The following MED13 variants were observed in gnomAD, a reference collection of about 807,000 sequenced individuals.
MED13 encodes the protein mediator complex subunit 13, also known as mediator of RNA polymerase II transcription subunit 13.
A neutral mutation model predicts 225.2 loss-of-function variants in MED13; 23 were observed. That is an observed-to-expected ratio of 0.10 (90% confidence interval 0.07 to 0.14). MED13 has a LOEUF of 0.14. Among genes scored for constraint, MED13 ranks in the 10% least tolerant of loss-of-function variants. The pLI, the probability that MED13 is intolerant of heterozygous loss-of-function variation, is 1.00. For missense variants in MED13, 2,197 were observed against 2,594.5 expected (o/e 0.85, Z 3.33); for synonymous variants, 942 against 889.2 (o/e 1.06, Z -1.06).
chr17:62,014,147 GTCTC>G (rs942515646), intron 8 of MED13, among the ~76,000 whole-genome samples: 2 of 151,758 alleles, frequency 1.3e-5, no homozygotes, highest in African/African-American at 2.4e-5. Context: ...ACCAGATACT[GTCTC>G]TCTCTGACGT....
chr17:61,969,373 T>C (rs572553086), intron 17 of MED13, among the ~76,000 whole-genome samples: 4 of 151,366 alleles, frequency 2.6e-5, no homozygotes, highest in East Asian at 2.0e-4. Flanking sequence ...AAACAAAAAA[T>C]TGGCATAAAA....
At chr17:61,992,776 T>C (rs752210480) in intron 10 of MED13, among the ~76,000 whole-genome samples, 155 bp from the exon 11 acceptor site, 23 of 118 alleles carry the variant, frequency 0.19, no homozygotes, top group Non-Finnish European at 0.24. Flanking sequence ...ATGCTTATTA[T>C]TACTTTTTTT....
intron 23 of MED13, among the ~76,000 whole-genome samples, chr17:61,958,792 T>C (rs886145277): frequency 3.9e-5 from 6 of 152,174 alleles, no homozygotes; most frequent in African/African-American, 1.4e-4. Context: ...TATGACTTAC[T>C]GAGCACTTAC....
At position 61,943,274 on chromosome 17, in the gene MED13, GCCA is replaced by G. The variant is rs2079828195; in HGVS notation, c.*3191_*3193del. 6.6e-6 allele frequency: 1 copy of G among 152,548 alleles called. No homozygotes were observed. The highest frequency in any genetic ancestry group is 1.5e-5 in the Non-Finnish European group (1 of 67,990). 9.4% of individuals were successfully genotyped at this position (152,548 alleles called of 1,614,324 possible). On this transcript the variant is annotated 3_prime_UTR_variant, in exon 30 of 30. Transcript: ENST00000397786. The stretch of plus-strand genomic sequence containing the variant: ...GTGTATTAACTGATTGATATGCAAT[GCCA>G]TAGTGGATGAATAGCAAATTATATG...
intron 9 of MED13, among the ~76,000 whole-genome samples, chr17:62,008,127 C>T (rs568771330): frequency 6.7e-6 from 1 of 150,334 alleles, no homozygotes; most frequent in Non-Finnish European, 1.5e-5. Context: ...ACCATCCTGG[C>T]TAACACGGTG....
chr17:62,036,778 GAAC>G lies in MED13; in HGVS notation c.471-1173_471-1171del, dbSNP rs1057132540. 5.9e-5 allele frequency: 9 copies of G among 152,164 alleles called. No homozygotes were observed. The South Asian group carries it at 1.2e-3, about 21-fold the overall frequency. The allele number at this position is 152,164 out of a possible 1,614,324, so 9.4% of individuals were successfully genotyped here. A position where few individuals can be genotyped will look rare whatever the true frequency, so the allele number is the denominator to read the frequency against. On this transcript the variant is annotated intron_variant, in intron 3 of 29. Coordinates refer to ENST00000397786, the MANE Select transcript of MED13 (RefSeq NM_005121.3). ...CAATACAAAATGTCTAAACTTGATA[GAAC>G]AAGAAATAGAAATTTAAGCATGTTA...
At chr17:61,992,109 G>C (rs1167357242) in intron 11 of MED13, among the ~76,000 whole-genome samples, 1 of 152,178 alleles carries the variant, frequency 6.6e-6, no homozygotes, top group Non-Finnish European at 1.5e-5. Context: ...CTGGACATCA[G>C]TATCTTTCTC....
intron 2 of MED13, among the ~76,000 whole-genome samples, chr17:62,062,327 A>C (rs1054663681): frequency 3.9e-5 from 6 of 152,296 alleles, no homozygotes; most frequent in Admixed American, 3.3e-4. Context: ...TTCTCTTTCT[A>C]AAGTAGCATT....
At chr17:62,021,426 C>T (rs1279969598) in intron 8 of MED13, among the ~76,000 whole-genome samples, 3 of 143,864 alleles carry the variant, frequency 2.1e-5, no homozygotes, top group Non-Finnish European at 4.5e-5. Flanking sequence ...GGCTGACCCC[C>T]CCACCTCCCT....
At chr17:62,020,577 C>T (rs2080630931) in intron 8 of MED13, among the ~76,000 whole-genome samples, 1 of 151,776 alleles carries the variant, frequency 6.6e-6, no homozygotes, top group Non-Finnish European at 1.5e-5. Flanking sequence ...GATGGGGTTT[C>T]ACCATGGTGG....
rs771231439 is a variant in MED13 at position 61,965,183 on chromosome 17, G to A, written c.4667C>T (p.Pro1556Leu). The change falls in exon 20 of 30, where the codon CCT becomes CTT. Residue 1556 changes from proline to leucine, a missense_variant. By Grantham distance (98) the Pro-to-Leu change is moderately conservative. Coordinates refer to ENST00000397786, the MANE Select transcript of MED13 (RefSeq NM_005121.3). ...CATACTGCCAAAGGGTGGAAACGAA[G>A]GTAGTTTATTTGATGATACTCCACT... is the stretch of plus-strand genomic sequence containing the variant. Reference protein sequence around the residue: ...LNSGVSSNKLPSFPPFGSMNS... With the variant: ...LNSGVSSNKLLSFPPFGSMNS... 20 of 1,614,136 alleles carry A rather than the reference G, an allele frequency of 1.2e-5. No individual in the cohort carries two copies. Among genetic ancestry groups the A allele is most frequent in the Non-Finnish European group, 8.5e-7 (1 of 1,180,018 alleles).
intron 9 of MED13, among the ~76,000 whole-genome samples, chr17:61,996,586 G>A (rs980747577): frequency 6.6e-6 from 1 of 151,892 alleles, no homozygotes; most frequent in African/African-American, 2.4e-5. Flanking sequence ...TCTTTTATGG[G>A]GAACATTCTC....
rs1434177191 is a variant in MED13, at chr17:61,998,085, ATATT to A, written c.1968-2724_1968-2721del. 2.0e-5 allele frequency among the ~76,000 whole-genome samples: 3 copies of A among 152,376 alleles called. No individual in the cohort carries two copies. The East Asian group carries it at 5.8e-4, about 29-fold the overall frequency. On this transcript the variant is annotated intron_variant, in intron 9 of 29. Transcript: ENST00000397786. ...TAAATTCATTTACATTATACATTCT[ATATT>A]TAAAGCTGATAATAGAATTAAAAAT...
chr17:62,017,243 A>G (rs57186699), intron 8 of MED13, among the ~76,000 whole-genome samples: 1,521 of 149,640 alleles, frequency 0.01, 27 homozygotes, highest in African/African-American at 0.034. Flanking sequence ...AAAAAGCATG[A>G]AAGATTTGAG....
chr17:62,023,686 T>A (rs1037529317), intron 8 of MED13, among the ~76,000 whole-genome samples: 7 of 152,046 alleles, frequency 4.6e-5, no homozygotes, highest in African/African-American at 1.7e-4. Context: ...AAAGCAGAAA[T>A]GGATTTGAGA....
intron 21 of MED13, among the ~76,000 whole-genome samples, chr17:61,962,001 T>C (rs1356570161): frequency 6.6e-6 from 1 of 152,098 alleles, no homozygotes; most frequent in African/African-American, 2.4e-5. Flanking sequence ...CCTATAAAAC[T>C]TTCTGGCCAG....
Position 61,972,819 on chromosome 17 carries a change from G to A in MED13, c.3875C>T (p.Ala1292Val). The stretch of plus-strand genomic sequence containing the variant: ...TCTTACTGTTCTTTTTTTCTGAATG[G>A]CATCCTGAAGAACTGGCTGAAGAGA... Reference protein sequence around the residue: ...LLSLQPVLQDAIQKKRTVRPW... With the variant: ...LLSLQPVLQDVIQKKRTVRPW... The change falls in exon 17 of 30, where the codon GCC becomes GTC. Residue 1292 changes from alanine (A) to valine (V), a missense_variant. Coordinates refer to ENST00000397786, the MANE Select transcript of MED13 (RefSeq NM_005121.3). 6.2e-7 allele frequency: 1 copy of A among 1,613,670 alleles called. No individual in the cohort carries two copies. The highest frequency in any genetic ancestry group is 8.5e-7 in the Non-Finnish European group (1 of 1,179,832).
Position 62,065,194 on chromosome 17 carries a change from G to A in MED13, c.12C>T (p.Ser4=). 3.8e-6 allele frequency: 6 copies of A among 1,578,252 alleles called. No homozygotes were observed. The highest frequency in any genetic ancestry group is 5.2e-6 in the Non-Finnish European group (6 of 1,163,824). The stretch of plus-strand genomic sequence containing the variant: ...CCAGGCTGGCCCCGTTCGGCACGAA[G>A]GAGGCACTCATCGTCCCTCACAGCA... MSA[S]FVPNGASLED... is the part of the protein sequence containing the mutation. Residue 4 remains serine (S), a synonymous_variant, in exon 1 of 30, where the codon TCC becomes TCT. Transcript: ENST00000397786.
intron 2 of MED13, 73 bp downstream of exon 2, chr17:62,062,994 A>T: frequency 8.7e-7 from 1 of 1,142,962 alleles, no homozygotes; most frequent in Non-Finnish European, 1.3e-6. Flanking sequence ...CTTAATTTGT[A>T]ATACATATGA....
Sources: allele counts gnomAD v4.1 joint callset (sites outside exome capture counted in the v4.1 genomes callset), GRCh38; gene constraint gnomAD v4.1.1; transcripts MANE v1.5; gene names NCBI Gene and HGNC (gene_info 2026-07-23, HGNC 2026-07-21).